The following SOX5 variants were observed in gnomAD, a reference collection of about 807,000 sequenced individuals.
The protein encoded by SOX5 is transcription factor SOX-5.
In SOX5, 9 loss-of-function variants were observed where a neutral mutation model predicts 92.0. That is an observed-to-expected ratio of 0.10 (90% CI 0.06 to 0.17). SOX5 has a LOEUF of 0.17. Among genes scored for constraint, SOX5 ranks in the 10% least tolerant of loss-of-function variants. The pLI is 1.00. For missense variants in SOX5, 642 were observed against 944.5 expected, an observed-to-expected ratio of 0.68 and a Z score of 4.20; for synonymous variants, 344 against 336.3, an observed-to-expected ratio of 1.02 and a Z score of -0.25.
At chr12:24,217,236 C>T (rs985827292) in intron 3 of SOX5, among the ~76,000 whole-genome samples, 8 of 152,134 alleles carry the variant, frequency 5.3e-5, no homozygotes, top group Admixed American at 5.2e-4. Context: ...ATAAGGGTAG[C>T]TTGGAGACCC....
chr12:23,754,625 G>A lies in SOX5; in HGVS notation c.568+1013C>T, dbSNP rs374191298. Reference sequence around the variant, plus strand: ...GAAATATTCAGCCAAACATTTTCCGGAAGTTTTTAGATATCCAGATGTTCA... The same window carrying A: ...GAAATATTCAGCCAAACATTTTCCGAAAGTTTTTAGATATCCAGATGTTCA... On this transcript the variant is annotated intron_variant, in intron 4 of 14. Coordinates refer to ENST00000451604, the MANE Select transcript of SOX5 (RefSeq NM_006940.6). Among the ~76,000 whole-genome samples the A allele has an allele frequency of 5.3e-5, 8 of 151,840 alleles. No homozygotes were observed. In the South Asian group the frequency reaches 1.5e-3, roughly 28 times the overall value.
chr12:24,426,623 G>C (rs1228450504), intron 1 of SOX5, among the ~76,000 whole-genome samples: 1 of 152,192 alleles, frequency 6.6e-6, no homozygotes, highest in Non-Finnish European at 1.5e-5. Context: ...CATGGAAGTT[G>C]CTGTCATAAA....
chr12:23,675,291 ATTTTTTTC>A (rs972345485), intron 6 of SOX5, among the ~76,000 whole-genome samples: 2 of 152,104 alleles, frequency 1.3e-5, no homozygotes, highest in African/African-American at 4.8e-5. Flanking sequence ...AAGACTTACA[ATTTTTTTC>A]TGGCCAAGAG....
rs1191748140 is a variant in SOX5, at chr12:23,533,186, A to AGAT, written c.*1030_*1032dup. The AGAT allele has an allele frequency of 6.6e-6, 3 of 456,432 alleles. No individual in the cohort carries two copies. Among genetic ancestry groups the AGAT allele is most frequent in the East Asian group, 1.4e-4 (2 of 14,410 alleles). 28.3% of individuals were successfully genotyped at this position (456,432 alleles called of 1,614,324 possible). A position where few individuals can be genotyped will look rare whatever the true frequency, so the allele number is the denominator to read the frequency against. ...TGGGAGGATGTGGGATTTCATCCCC[A>AGAT]GATGTGGGTTTAACTCACAATGGTC... On this transcript the variant is annotated 3_prime_UTR_variant, in exon 15 of 15. Transcript: ENST00000451604.
intron 11 of SOX5, among the ~76,000 whole-genome samples, chr12:23,548,454 G>A (rs1039519999): frequency 3.9e-5 from 6 of 152,112 alleles, no homozygotes; most frequent in Admixed American, 1.3e-4. Flanking sequence ...TCAAGAGGAC[G>A]TCAGTGGGAC....
At chr12:24,114,843 C>T (rs555526165) in intron 4 of SOX5, among the ~76,000 whole-genome samples, 4 of 151,760 alleles carry the variant, frequency 2.6e-5, no homozygotes, top group Non-Finnish European at 5.9e-5. Flanking sequence ...GGCTGGGGTG[C>T]GGGGATCCCT....
At chr12:24,074,986 G>C (rs991296820) in intron 4 of SOX5, among the ~76,000 whole-genome samples, 4 of 151,556 alleles carry the variant, frequency 2.6e-5, no homozygotes, top group East Asian at 3.9e-4. Context: ...TGCCAGCCAG[G>C]CATGGTGGCT....
intron 1 of SOX5, among the ~76,000 whole-genome samples, chr12:24,562,130 CCCCCAG>C (rs930442991): frequency 6.6e-6 from 1 of 152,184 alleles, no homozygotes; most frequent in Non-Finnish European, 1.5e-5. Flanking sequence ...CTCTCCGCCA[CCCCCAG>C]CCCAGTCCCC....
At chr12:24,038,581 T>G (rs1485028632) in intron 4 of SOX5, among the ~76,000 whole-genome samples, 1 of 150,106 alleles carries the variant, frequency 6.7e-6, no homozygotes, top group African/African-American at 2.4e-5. Context: ...TAGCTTAGCA[T>G]TTTTTTTTTC....
intron 4 of SOX5, among the ~76,000 whole-genome samples, chr12:24,143,421 T>C (rs555035427): frequency 8.5e-5 from 13 of 152,236 alleles, no homozygotes; most frequent in African/African-American, 2.9e-4. Context: ...ATTCACAGAA[T>C]ATAACAGCTG....
At chr12:24,397,303 G>C (rs953380128) in intron 1 of SOX5, among the ~76,000 whole-genome samples, 1 of 151,874 alleles carries the variant, frequency 6.6e-6, no homozygotes, top group Non-Finnish European at 1.5e-5. Flanking sequence ...CTGGTTAAAT[G>C]AAAGACTCGT....
chr12:23,546,246 G>T, intron 12 of SOX5, 70 bp downstream of exon 12: 6 of 851,158 alleles, frequency 7.0e-6, no homozygotes, highest in Non-Finnish European at 1.2e-5. Flanking sequence ...CTATTTTTTA[G>T]CAGTTTTAAT....
intron 4 of SOX5, among the ~76,000 whole-genome samples, chr12:23,967,171 G>A (rs1465531914): frequency 1.3e-5 from 2 of 152,086 alleles, no homozygotes; most frequent in East Asian, 3.8e-4. Flanking sequence ...TATAGCATAA[G>A]CATACACACA....
intron 1 of SOX5, among the ~76,000 whole-genome samples, chr12:23,924,254 T>C (rs1190729809): frequency 1.3e-5 from 2 of 152,250 alleles, no homozygotes; most frequent in African/African-American, 4.8e-5. Context: ...TATCATATTA[T>C]TGCTTCTTTC....
At chr12:24,166,300 G>A (rs1410124850) in intron 4 of SOX5, among the ~76,000 whole-genome samples, 1 of 152,142 alleles carries the variant, frequency 6.6e-6, no homozygotes, top group East Asian at 1.9e-4. Flanking sequence ...CTATGTTTGA[G>A]TTGTCTGCGA....
chr12:24,437,012 C>T (rs2137125039), intron 1 of SOX5, among the ~76,000 whole-genome samples: 1 of 152,292 alleles, frequency 6.6e-6, no homozygotes, highest in East Asian at 1.9e-4. Context: ...TTGAGACCTA[C>T]TGCTCAGAAA....
chr12:23,979,897 CTGG>C (rs1949373957), intron 4 of SOX5, among the ~76,000 whole-genome samples: 1 of 138,896 alleles, frequency 7.2e-6, no homozygotes, highest in Non-Finnish European at 1.5e-5. Flanking sequence ...GGCTGGCTGG[CTGG>C]CTGGCTGGCT....
chr12:23,551,877 C>A (rs906024904), intron 11 of SOX5, among the ~76,000 whole-genome samples: 1 of 151,500 alleles, frequency 6.6e-6, no homozygotes, highest in Admixed American at 6.6e-5. Flanking sequence ...TGGTAGCTTG[C>A]TTCATGAAAA....
chr12:24,244,681 C>A (rs921659047), intron 3 of SOX5, among the ~76,000 whole-genome samples: 2 of 152,014 alleles, frequency 1.3e-5, no homozygotes, highest in African/African-American at 4.8e-5. Flanking sequence ...TGTAAGAGAT[C>A]GATAAATATT....
Sources: allele counts gnomAD v4.1 joint callset (sites outside exome capture counted in the v4.1 genomes callset), GRCh38; gene constraint gnomAD v4.1.1; transcripts MANE v1.5; gene names NCBI Gene and HGNC (gene_info 2026-07-23, HGNC 2026-07-21).